CLASP2: variants seen among roughly 807,000 people sequenced by gnomAD.
The protein encoded by CLASP2 is cytoplasmic linker associated protein 2, also known as CLIP-associating protein 2.
Under a neutral mutation model 194.4 loss-of-function variants are expected in CLASP2, and 47 were observed. That is an observed-to-expected ratio of 0.24 (90% CI 0.19 to 0.31). The LOEUF is 0.31. Among genes scored for constraint, CLASP2 ranks in the 10% least tolerant of loss-of-function variants. CLASP2 has a pLI of 1.00. For synonymous variants in CLASP2, 619 were observed against 633.5 expected (o/e 0.98, Z 0.34); for missense variants, 1,445 against 1,823.6 (o/e 0.79, Z 3.78).
chr3:33,646,944 C>G (rs1303687117), intron 7 of CLASP2, among the ~76,000 whole-genome samples: 2 of 152,086 alleles, frequency 1.3e-5, no homozygotes, highest in African/African-American at 4.8e-5. Flanking sequence ...ATGAATCATA[C>G]AATATGTATT....
At chr3:33,689,257 A>C (rs896930786) in intron 3 of CLASP2, among the ~76,000 whole-genome samples, 1 of 152,054 alleles carries the variant, frequency 6.6e-6, no homozygotes, top group East Asian at 1.9e-4. Flanking sequence ...AAATACCTAT[A>C]TTTATGTTCA....
At chr3:33,532,379 G>A (rs2056517490) in intron 34 of CLASP2, among the ~76,000 whole-genome samples, 1 of 152,134 alleles carries the variant, frequency 6.6e-6, no homozygotes, top group African/African-American at 2.4e-5. Context: ...GGGTGGAATT[G>A]GGGAGTTATT....
intron 23 of CLASP2, among the ~76,000 whole-genome samples, chr3:33,579,839 C>A (rs1295990222): frequency 6.6e-6 from 1 of 152,188 alleles, no homozygotes. Context: ...GATATACATT[C>A]TTAAACCACC....
At chr3:33,625,583 C>A (rs1210677768) in intron 10 of CLASP2, among the ~76,000 whole-genome samples, 11 of 140,496 alleles carry the variant, frequency 7.8e-5, no homozygotes, top group African/African-American at 1.1e-4. Flanking sequence ...TTTTGGTTTA[C>A]AAAAAGAGTA....
intron 13 of CLASP2, among the ~76,000 whole-genome samples, 196 bp from the exon 14 acceptor site, chr3:33,608,822 G>A (rs1024543703): frequency 8.5e-5 from 12 of 140,764 alleles, no homozygotes; most frequent in East Asian, 2.1e-4. Context: ...GCGCGATCTC[G>A]GCTCACTGCA....
intron 2 of CLASP2, among the ~76,000 whole-genome samples, chr3:33,690,635 A>G (rs993080494): frequency 6.6e-6 from 1 of 152,168 alleles, no homozygotes; most frequent in Non-Finnish European, 1.5e-5. Context: ...ACCCATGGCC[A>G]ACTGTGGTCT....
chr3:33,590,721 T>C (rs1263370753), intron 21 of CLASP2, among the ~76,000 whole-genome samples: 2 of 152,174 alleles, frequency 1.3e-5, no homozygotes, highest in Non-Finnish European at 2.9e-5. Context: ...AAGAGAAGGA[T>C]CTGGTGGGTA....
intron 20 of CLASP2, among the ~76,000 whole-genome samples, chr3:33,594,138 C>T (rs1003485018): frequency 6.6e-6 from 1 of 152,074 alleles, no homozygotes; most frequent in Non-Finnish European, 1.5e-5. Flanking sequence ...ACCCCTATGC[C>T]TGGACAGAAA....
rs2059538587 is a variant in CLASP2 at position 33,548,741 on chromosome 3, G to A, written c.3153+2511C>T. On this transcript the variant is annotated intron_variant, in intron 30 of 38. Transcript: ENST00000682230. ...TTTCTAGTGATTTCCTGCCACAATA[G>A]GTAACGACTACGGTTTCATTTCTTT... is the stretch of plus-strand genomic sequence containing the variant. Among the ~76,000 whole-genome samples the A allele has an allele frequency of 2.0e-5, 3 of 150,506 alleles. No individual in the cohort carries two copies. In the South Asian group the frequency reaches 6.3e-4, roughly 32 times the overall value.
At chr3:33,516,662 T>A (rs1230123673) in intron 35 of CLASP2, among the ~76,000 whole-genome samples, 1 of 151,520 alleles carries the variant, frequency 6.6e-6, no homozygotes, top group Non-Finnish European at 1.5e-5. Flanking sequence ...ATGAGTGAGA[T>A]TATTCCTCAA....
chr3:33,509,323 T>C (rs544215862), intron 37 of CLASP2, among the ~76,000 whole-genome samples: 1 of 152,310 alleles, frequency 6.6e-6, no homozygotes, highest in Non-Finnish European at 1.5e-5. Context: ...TTCAAGCAAT[T>C]CTCCTGCCTC....
chr3:33,718,210 G>C lies in CLASP2; in HGVS notation c.-208C>G, dbSNP rs1271605850. 3.1e-6 allele frequency: 1 copy of C among 321,378 alleles called. No homozygotes were observed. The highest frequency in any genetic ancestry group is 5.6e-6 in the Non-Finnish European group (1 of 177,724). The allele number at this position is 321,378 out of a possible 1,614,324, so 19.9% of individuals were successfully genotyped here. ...CAAACTCGGCGCCCCCCGATCCCCA[G>C]CCCGCTTCAGAGGCCGCGGCCGCGG... On this transcript the variant is annotated 5_prime_UTR_variant, in exon 1 of 39. Transcript: ENST00000682230.
At chr3:33,529,404 G>A (rs1277442108) in intron 34 of CLASP2, among the ~76,000 whole-genome samples, 3 of 152,088 alleles carry the variant, frequency 2.0e-5, no homozygotes, top group African/African-American at 4.8e-5. Context: ...GAGGCATCAC[G>A]TTGCCTGATT....
At chr3:33,676,619 T>A (rs1306628613) in intron 6 of CLASP2, among the ~76,000 whole-genome samples, 1 of 151,812 alleles carries the variant, frequency 6.6e-6, no homozygotes, top group Non-Finnish European at 1.5e-5. Flanking sequence ...AACCTAGGCA[T>A]TACCATTCAG....
At chr3:33,522,347 A>G (rs1292572585) in intron 34 of CLASP2, among the ~76,000 whole-genome samples, 1 of 112,870 alleles carries the variant, frequency 8.9e-6, no homozygotes, top group South Asian at 2.9e-4. Flanking sequence ...TTTATACCTC[A>G]GGCTGAGGCT....
At chr3:33,606,561 G>A (rs2073894479) in intron 16 of CLASP2, 30 bp downstream of exon 16, 3 of 1,577,532 alleles carry the variant, frequency 1.9e-6, no homozygotes, top group African/African-American at 1.4e-5. Context: ...GAGAGGAAGA[G>A]ACTAGTAATC....
At chr3:33,656,736 A>C (rs550981057) in intron 7 of CLASP2, among the ~76,000 whole-genome samples, 1 of 152,336 alleles carries the variant, frequency 6.6e-6, no homozygotes, top group South Asian at 2.1e-4. Context: ...ATTTCTATAG[A>C]AGACAAAATG....
chr3:33,705,791 A>G (rs2092651405), intron 1 of CLASP2, among the ~76,000 whole-genome samples: 1 of 152,226 alleles, frequency 6.6e-6, no homozygotes, highest in Admixed American at 6.5e-5. Flanking sequence ...TGGTGTATCC[A>G]CACTACAGGA....
chr3:33,572,905 C>T (rs891170813), intron 25 of CLASP2, among the ~76,000 whole-genome samples: 1 of 144,460 alleles, frequency 6.9e-6, no homozygotes, highest in Non-Finnish European at 1.5e-5. Flanking sequence ...CTTAATAGAA[C>T]AAATAATTTT....
Sources: gnomAD v4.1 joint callset for allele counts (sites outside exome capture counted in the v4.1 genomes callset) on GRCh38, gnomAD v4.1.1 for gene constraint, MANE v1.5 for transcripts, NCBI Gene and HGNC (gene_info 2026-07-23, HGNC 2026-07-21) for gene names.